RRP12: variants seen among roughly 807,000 people sequenced by gnomAD.
RRP12 encodes RRP12-like protein.
A neutral mutation model predicts 157.3 loss-of-function variants in RRP12; 78 were observed. The ratio of observed to expected loss-of-function variants is 0.50; its 90% CI spans 0.41 to 0.60. The LOEUF (loss-of-function observed/expected upper bound fraction) is 0.60. RRP12 is among the 20% of genes least tolerant of loss of function. The pLI is 0.00. For synonymous variants in RRP12, 726 were observed against 670.9 expected (o/e 1.08, Z -1.27); for missense variants, 1,521 against 1,679.9 (o/e 0.91, Z 1.65).
chr10:97,400,139 C>T (rs1475475267), intron 2 of RRP12, among the ~76,000 whole-genome samples, 166 bp downstream of exon 2: 2 of 152,088 alleles, frequency 1.3e-5, no homozygotes, highest in East Asian at 1.9e-4. Flanking sequence ...TTATAAAAAG[C>T]AGAAAGTAGA....
chr10:97,390,597 C>T, intron 5 of RRP12, 58 bp from the exon 6 acceptor site: 1 of 1,456,132 alleles, frequency 6.9e-7, no homozygotes, highest in Non-Finnish European at 9.6e-7. Context: ...GGAAAAGAGC[C>T]CAGGTTCTCA....
intron 2 of RRP12, among the ~76,000 whole-genome samples, chr10:97,399,166 G>A (rs1408245680): frequency 2.0e-5 from 3 of 152,096 alleles, no homozygotes; most frequent in African/African-American, 4.8e-5. Context: ...CCAGCTACTC[G>A]GGAGGCTGAG....
chr10:97,385,970 C>G lies in RRP12; in HGVS notation c.1041G>C (p.Gln347His). Residue 347 changes from glutamine to histidine, a missense_variant, in exon 9 of 34, where the codon CAG (glutamine) becomes CAC (histidine). By Grantham distance (24) the Gln-to-His change is conservative (BLOSUM62 0). Coordinates refer to ENST00000370992, the MANE Select transcript of RRP12 (RefSeq NM_015179.4). ...TGGCGTGGAAGAGGCTGTGAAAGGCCTGCATGGCACAGGCTGTCACCAGCT... is the reference window on the plus strand; with the variant it reads ...TGGCGTGGAAGAGGCTGTGAAAGGCGTGCATGGCACAGGCTGTCACCAGCT... ...SHVLVTACAM[Q>H]AFHSLFHARP... 1 of 1,601,664 alleles carries G rather than the reference C, an allele frequency of 6.2e-7. No individual in the cohort carries two copies. Among genetic ancestry groups the G allele is most frequent in the South Asian group, 1.1e-5 (1 of 88,604 alleles).
intron 15 of RRP12, among the ~76,000 whole-genome samples, chr10:97,377,735 T>C (rs529248066): frequency 7.3e-5 from 11 of 151,162 alleles, no homozygotes; most frequent in Non-Finnish European, 1.6e-4. Flanking sequence ...TCCCAGCTCC[T>C]TGGGAGGCTG....
chr10:97,397,805 A>G (rs1589443894), intron 2 of RRP12, among the ~76,000 whole-genome samples: 2 of 150,888 alleles, frequency 1.3e-5, no homozygotes, highest in South Asian at 2.1e-4. Context: ...CAAAAAATAC[A>G]AAAATTAGCT....
chr10:97,365,766 TAAA>T (rs541108198), intron 29 of RRP12: 458 of 171,526 alleles, frequency 2.7e-3, no homozygotes, highest in Middle Eastern at 8.8e-3. Context: ...AAGTTTGCAT[TAAA>T]AAAAAAAAAA....
In RRP12 at chr10:97,372,095, G is replaced by A; in HGVS notation, c.2321C>T (p.Ser774Phe). The A allele has an allele frequency of 6.2e-7, 1 of 1,613,498 alleles. No individual in the cohort carries two copies. The highest frequency in any genetic ancestry group is 1.1e-5 in the South Asian group (1 of 91,066). ...ADEAAISKLYSTIRPYLESKA... is the reference protein window; with the variant it reads ...ADEAAISKLYFTIRPYLESKA... ...CACCTCTAGGTAGGGCCGGATGGTG[G>A]AGTATAGCTTACTGATGGCAGCTTC... The change falls in exon 20 of 34, where the codon TCC becomes TTC. Residue 774 changes from serine (S) to phenylalanine (F), a missense_variant. Physicochemically the swap from Ser to Phe is radical, Grantham distance 155. Transcript: ENST00000370992.
At chr10:97,386,328 T>C (rs111504800) in intron 8 of RRP12, among the ~76,000 whole-genome samples, 71 of 146,446 alleles carry the variant, frequency 4.8e-4, no homozygotes, top group African/African-American at 1.7e-3. Flanking sequence ...GTGAGACCAA[T>C]ACAGGTGCAT....
At chr10:97,377,067 A>G (rs575416623) in intron 15 of RRP12, among the ~76,000 whole-genome samples, 1 of 151,884 alleles carries the variant, frequency 6.6e-6, no homozygotes, top group African/African-American at 2.4e-5. Context: ...TTTAGTAGAG[A>G]TGGGGTTTCA....
At chr10:97,367,274 G>A in intron 25 of RRP12, 142 bp from the exon 26 acceptor site, 1 of 679,528 alleles carries the variant, frequency 1.5e-6, no homozygotes, top group Admixed American at 2.5e-5. Context: ...CCCACACCCT[G>A]GCCCAGTCAT....
chr10:97,394,248 C>T (rs1252716518), intron 3 of RRP12, among the ~76,000 whole-genome samples: 2 of 152,020 alleles, frequency 1.3e-5, no homozygotes, highest in African/African-American at 4.8e-5. Context: ...GAGGCTGAGG[C>T]AGGAGAATGG....
rs773203312 is a variant in RRP12 at position 97,372,767 on chromosome 10, C to T, written c.2218G>A (p.Val740Met). ...AAGTCAGAGCTGGCAGGGTCGAGCA[C>T]CTTCTCACTGGCTTTTTCCAGGAGA... is the stretch of plus-strand genomic sequence containing the variant. Reference protein sequence around the residue: ...NSLLEKASEKVLDPASSDFTR... With the variant: ...NSLLEKASEKMLDPASSDFTR... The change falls in exon 19 of 34, where the codon GTG becomes ATG. Residue 740 changes from valine to methionine, a missense_variant. Val to Met is a conservative substitution (Grantham distance 21). Transcript: ENST00000370992. 25 of 1,563,548 alleles carry T rather than the reference C, an allele frequency of 1.6e-5. No homozygotes were observed. In the Admixed American group the frequency reaches 3.0e-4, roughly 19 times the overall value.
At chr10:97,380,025 C>T (rs530726941) in intron 13 of RRP12, among the ~76,000 whole-genome samples, 25 of 152,164 alleles carry the variant, frequency 1.6e-4, no homozygotes, top group Non-Finnish European at 2.6e-4. Context: ...AATTTATCTT[C>T]GAAAATGGGA....
intron 13 of RRP12, 31 bp downstream of exon 13, chr10:97,380,768 C>T (rs1255332342): frequency 1.3e-6 from 2 of 1,518,368 alleles, no homozygotes; most frequent in Non-Finnish European, 1.8e-6. Flanking sequence ...AGCACCACTT[C>T]CTGCCCTGGC....
In RRP12 at chr10:97,401,100, C is replaced by T; in HGVS notation, c.132G>A (p.Arg44=). The part of the protein sequence containing the change: ...RQAARSRFFS[R]PSGRSDLTVD... ...GGGTCTCAACCCAGCTACCTGACGG[C>T]CGGCTGAAGAAGCGGCTGCGGGCGG... The change falls in exon 1 of 34, where the codon CGG becomes CGA. Residue 44 remains arginine (R), a synonymous_variant. Coordinates refer to ENST00000370992, the MANE Select transcript of RRP12 (RefSeq NM_015179.4). 2 of 1,613,318 alleles carry T rather than the reference C, an allele frequency of 1.2e-6. No individual in the cohort carries two copies. Among genetic ancestry groups the T allele is most frequent in the Non-Finnish European group, 1.7e-6 (2 of 1,179,660 alleles).
At chr10:97,394,254 A>G (rs1013418038) in intron 3 of RRP12, among the ~76,000 whole-genome samples, 1 of 152,084 alleles carries the variant, frequency 6.6e-6, no homozygotes, top group Admixed American at 6.6e-5. Context: ...GAGGCAGGAG[A>G]ATGGCGTGAA....
At chr10:97,380,521 G>C (rs7074639) in intron 13 of RRP12, among the ~76,000 whole-genome samples, 12,202 of 152,264 alleles carry the variant, frequency 0.08, 1,499 homozygotes, top group African/African-American at 0.27. Flanking sequence ...AAGATAAGGG[G>C]TGGGGATAAG....
chr10:97,368,271 A>G (rs1471008308), intron 25 of RRP12, among the ~76,000 whole-genome samples: 1 of 151,440 alleles, frequency 6.6e-6, no homozygotes, highest in East Asian at 1.9e-4. Flanking sequence ...ACCTCAAGTG[A>G]TCCACCCACC....
chr10:97,359,143 A>G (rs936620930), intron 31 of RRP12, 133 bp from the exon 32 acceptor site: 11 of 631,616 alleles, frequency 1.7e-5, no homozygotes, highest in Non-Finnish European at 2.8e-5. Flanking sequence ...TCTGTCCCCT[A>G]TCAAACCAGG....
Sources: gnomAD v4.1 joint callset for allele counts (sites outside exome capture counted in the v4.1 genomes callset) on GRCh38, gnomAD v4.1.1 for gene constraint, MANE v1.5 for transcripts, NCBI Gene and HGNC (gene_info 2026-07-23, HGNC 2026-07-21) for gene names.